The following DLGAP2 variants were observed in gnomAD, a reference collection of about 807,000 sequenced individuals.
DLGAP2 encodes disks large-associated protein 2.
In DLGAP2, 26 loss-of-function variants were observed where a neutral mutation model predicts 100.3. The observed-to-expected ratio is 0.26, with a 90% CI of 0.19 to 0.36. The LOEUF (loss-of-function observed/expected upper bound fraction) is 0.36, where lower values mean the gene tolerates loss of function less well. Among genes scored for constraint, DLGAP2 ranks in the 10% least tolerant of loss-of-function variants. The probability of loss-of-function intolerance (pLI) is 1.00; values close to 1 mark genes in which losing one functional copy is unlikely to be tolerated. For synonymous variants in DLGAP2, 886 were observed against 630.1 expected (o/e 1.41, Z -6.08); for missense variants, 1,858 against 1,453.2 (o/e 1.28, Z -4.53).
intron 2 of DLGAP2, among the ~76,000 whole-genome samples, chr8:1,182,757 A>G (rs1022902124): frequency 6.6e-6 from 1 of 152,198 alleles, no homozygotes; most frequent in Non-Finnish European, 1.5e-5. Context: ...CAGAGCTCAC[A>G]CTATCGAGTC....
intron 2 of DLGAP2, among the ~76,000 whole-genome samples, chr8:941,726 T>G (rs1342199915): frequency 6.6e-6 from 1 of 152,222 alleles, no homozygotes; most frequent in Non-Finnish European, 1.5e-5. Flanking sequence ...TTTCTTTGAT[T>G]GGGATGAGCT....
intron 2 of DLGAP2, among the ~76,000 whole-genome samples, chr8:998,143 A>T (rs1203356118): frequency 6.6e-6 from 1 of 152,160 alleles, no homozygotes; most frequent in South Asian, 2.1e-4. Context: ...ACACATGTGC[A>T]TACACAACAC....
At chr8:784,531 A>G (rs1033803088) in intron 1 of DLGAP2, among the ~76,000 whole-genome samples, 4 of 152,266 alleles carry the variant, frequency 2.6e-5, no homozygotes, top group Non-Finnish European at 5.9e-5. Context: ...TTGAATGGAT[A>G]ATGGCTGGTA....
At chr8:1,519,441 G>C (rs950765226) in intron 4 of DLGAP2, among the ~76,000 whole-genome samples, 9 of 152,154 alleles carry the variant, frequency 5.9e-5, no homozygotes, top group African/African-American at 2.2e-4. Context: ...GCAATTCAAG[G>C]TTGGATCCAT....
intron 2 of DLGAP2, among the ~76,000 whole-genome samples, chr8:1,057,602 C>G (rs1356092669): frequency 2.0e-5 from 3 of 152,206 alleles, no homozygotes; most frequent in African/African-American, 4.8e-5. Flanking sequence ...AACCTCTATT[C>G]TAAACACCGA....
At chr8:983,849 A>G (rs1205347732) in intron 2 of DLGAP2, among the ~76,000 whole-genome samples, 6 of 152,094 alleles carry the variant, frequency 3.9e-5, no homozygotes, top group Admixed American at 2.6e-4. Context: ...TTTGTTGCCC[A>G]GGCTGGTCTT....
chr8:866,277 C>T (rs1363982765), intron 1 of DLGAP2, among the ~76,000 whole-genome samples: 1 of 152,196 alleles, frequency 6.6e-6, no homozygotes. Flanking sequence ...GGACTCTCTT[C>T]TACAAGGGGC....
intron 2 of DLGAP2, among the ~76,000 whole-genome samples, chr8:1,179,643 A>G (rs1282982513): frequency 1.3e-5 from 2 of 151,988 alleles, no homozygotes; most frequent in Non-Finnish European, 2.9e-5. Flanking sequence ...CTGTTTTTCT[A>G]TGTGTATTGC....
At chr8:989,136 C>T (rs1001669433) in intron 2 of DLGAP2, among the ~76,000 whole-genome samples, 2 of 152,134 alleles carry the variant, frequency 1.3e-5, no homozygotes, top group Non-Finnish European at 2.9e-5. Flanking sequence ...TTCAGCCCTG[C>T]GCGGCACCAC....
chr8:986,940 A>C (rs997938327), intron 2 of DLGAP2, among the ~76,000 whole-genome samples: 1 of 152,158 alleles, frequency 6.6e-6, no homozygotes, highest in Non-Finnish European at 1.5e-5. Context: ...GATTACAGGC[A>C]TGAGCCACCG....
chr8:1,670,468 CCT>C (rs1798662867), intron 10 of DLGAP2, among the ~76,000 whole-genome samples: 1 of 152,230 alleles, frequency 6.6e-6, no homozygotes, highest in Non-Finnish European at 1.5e-5. Flanking sequence ...TTCCCGGAGG[CCT>C]CTCTGGACCC....
intron 3 of DLGAP2, among the ~76,000 whole-genome samples, chr8:1,326,721 T>G (rs780421949): frequency 2.0e-5 from 3 of 152,242 alleles, no homozygotes; most frequent in Non-Finnish European, 4.4e-5. Flanking sequence ...TTAAAGAACA[T>G]GCTTGAACCT....
chr8:738,631 T>A (rs1563403866), intron 1 of DLGAP2: 1 of 147,074 alleles, frequency 6.8e-6, no homozygotes, highest in Non-Finnish European at 1.5e-5. Flanking sequence ...CGCGGAGGGC[T>A]GGGGGGCGGC....
intron 2 of DLGAP2, among the ~76,000 whole-genome samples, chr8:1,227,969 T>C (rs1001283701): frequency 6.6e-6 from 1 of 152,206 alleles, no homozygotes; most frequent in African/African-American, 2.4e-5. Context: ...TGCTTTACTA[T>C]AGTAACCGTT....
chr8:1,693,865 C>A (rs1799314184), intron 13 of DLGAP2, among the ~76,000 whole-genome samples: 1 of 152,170 alleles, frequency 6.6e-6, no homozygotes. Context: ...GCCATGTCAC[C>A]TGTGAACGTT....
intron 2 of DLGAP2, among the ~76,000 whole-genome samples, chr8:929,963 C>T (rs1338672702): frequency 6.6e-6 from 1 of 151,710 alleles, no homozygotes; most frequent in Non-Finnish European, 1.5e-5. Context: ...TTTTTTTCTT[C>T]CTGCCATTGC....
chr8:1,217,234 G>A (rs1051308694), intron 2 of DLGAP2, among the ~76,000 whole-genome samples: 2 of 152,144 alleles, frequency 1.3e-5, no homozygotes, highest in African/African-American at 4.8e-5. Flanking sequence ...CTCTGTGTTA[G>A]TTTGCTTAGG....
intron 2 of DLGAP2, among the ~76,000 whole-genome samples, chr8:1,227,561 C>G (rs1043825147): frequency 6.6e-6 from 1 of 151,626 alleles, no homozygotes; most frequent in African/African-American, 2.4e-5. Flanking sequence ...TGGCACAATC[C>G]TGGCTCACTG....
intron 2 of DLGAP2, among the ~76,000 whole-genome samples, chr8:1,255,699 T>TCA (rs1799187836): frequency 2.2e-5 from 3 of 136,782 alleles, no homozygotes; most frequent in Admixed American, 7.1e-5. Context: ...GTGTGTCCTC[T>TCA]TCTGCCTGGG....
Sources: gnomAD v4.1 joint callset for allele counts (sites outside exome capture counted in the v4.1 genomes callset) on GRCh38, gnomAD v4.1.1 for gene constraint, MANE v1.5 for transcripts, NCBI Gene and HGNC (gene_info 2026-07-23, HGNC 2026-07-21) for gene names.